The following NRG3 variants were observed in gnomAD, a reference collection of about 807,000 sequenced individuals.
The protein encoded by NRG3 is neuregulin 3.
NRG3 carries 31 observed loss-of-function variants against 66.9 expected under a neutral mutation model. That is an observed-to-expected ratio of 0.46 (90% confidence interval 0.35 to 0.63). The LOEUF (loss-of-function observed/expected upper bound fraction) is 0.63, where lower values mean the gene tolerates loss of function less well. Among genes scored for constraint, NRG3 ranks in the 20% least tolerant of loss-of-function variants. The pLI is 0.00. For synonymous variants in NRG3, 393 were observed against 359.4 expected, an observed-to-expected ratio of 1.09 and a Z score of -1.06; for missense variants, 910 against 878.9, an observed-to-expected ratio of 1.04 and a Z score of -0.45.
chr10:82,783,959 A>C (rs1437627106), intron 3 of NRG3, among the ~76,000 whole-genome samples: 2 of 151,764 alleles, frequency 1.3e-5, no homozygotes, highest in African/African-American at 2.4e-5. Flanking sequence ...TTCAAACTAT[A>C]CTACAAGGCT....
intron 2 of NRG3, among the ~76,000 whole-genome samples, chr10:82,725,738 T>C (rs2050459): frequency 0.68 from 103,857 of 152,022 alleles, 35,971 homozygotes; most frequent in East Asian, 0.84. Context: ...CTAGGACACA[T>C]ACAAGAAATT....
chr10:82,347,953 A>C (rs937013579), intron 1 of NRG3, among the ~76,000 whole-genome samples: 2 of 151,748 alleles, frequency 1.3e-5, no homozygotes, highest in African/African-American at 2.4e-5. Flanking sequence ...TTTTGAGCCT[A>C]TGTGTGTCTC....
chr10:82,512,144 TTTC>T (rs1212451498), intron 2 of NRG3, among the ~76,000 whole-genome samples: 1 of 151,868 alleles, frequency 6.6e-6, no homozygotes, highest in African/African-American at 2.4e-5. Flanking sequence ...TGTTCTTACT[TTTC>T]TACATTTTGA....
Position 82,397,388 on chromosome 10 carries a change from A to G in NRG3, c.953+38520A>G, listed in dbSNP as rs186411340. Among the ~76,000 whole-genome samples, 11 of 152,350 alleles carry G rather than the reference A, an allele frequency of 7.2e-5. No individual in the cohort carries two copies. The East Asian group carries it at 7.7e-4, about 11-fold the overall frequency. On this transcript the variant is annotated intron_variant, in intron 2 of 8. Transcript: ENST00000372141. ...TAGAATACAAAATGTATACATTGAA[A>G]AGCAAACTCATCTTGTAAGGAAAGG...
intron 2 of NRG3, among the ~76,000 whole-genome samples, chr10:82,621,170 A>G (rs1178379673): frequency 6.6e-6 from 1 of 152,052 alleles, no homozygotes; most frequent in Non-Finnish European, 1.5e-5. Context: ...GGTTTGCGGA[A>G]CTTGAAGTAT....
intron 4 of NRG3, among the ~76,000 whole-genome samples, chr10:82,945,513 C>T (rs887132764): frequency 3.4e-4 from 52 of 152,164 alleles, no homozygotes; most frequent in African/African-American, 1.2e-3. Context: ...AGTCCAAAAG[C>T]ATAGCGCCAG....
At chr10:82,872,521 A>G (rs2135995650) in intron 4 of NRG3, among the ~76,000 whole-genome samples, 1 of 152,250 alleles carries the variant, frequency 6.6e-6, no homozygotes, top group South Asian at 2.1e-4. Flanking sequence ...TTATAGCAGG[A>G]AACTCCAAGT....
chr10:82,897,660 A>G (rs1843790785), intron 4 of NRG3, among the ~76,000 whole-genome samples: 1 of 152,144 alleles, frequency 6.6e-6, no homozygotes, highest in Non-Finnish European at 1.5e-5. Context: ...CTGGGATTAT[A>G]GATGTGCGCC....
At chr10:82,572,404 A>T (rs2045790740) in intron 2 of NRG3, among the ~76,000 whole-genome samples, 1 of 151,714 alleles carries the variant, frequency 6.6e-6, no homozygotes, top group Non-Finnish European at 1.5e-5. Flanking sequence ...TACTTAGTAA[A>T]GTCGACTCAA....
rs533298958 is a variant in NRG3 at position 82,487,113 on chromosome 10, C to T, written c.953+128245C>T. On this transcript the variant is annotated intron_variant, in intron 2 of 8. Coordinates refer to ENST00000372141, the MANE Select transcript of NRG3 (RefSeq NM_001010848.4). Reference sequence around the variant, plus strand: ...ATATATATCTATTATATAGATATATCTATTATATAGATATATATATAATTT... The same window carrying T: ...ATATATATCTATTATATAGATATATTTATTATATAGATATATATATAATTT... Among the ~76,000 whole-genome samples the T allele has an allele frequency of 1.2e-3, 180 of 147,672 alleles. 1 individual carries two copies. The highest frequency in any genetic ancestry group is 4.2e-3 in the African/African-American group (169 of 40,588).
At chr10:82,197,568 G>A (rs2074513995) in intron 1 of NRG3, among the ~76,000 whole-genome samples, 1 of 152,076 alleles carries the variant, frequency 6.6e-6, no homozygotes, top group African/African-American at 2.4e-5. Flanking sequence ...TATTTTCATT[G>A]ATAATTTTCC....
At chr10:82,014,122 A>C (rs1273595715) in intron 1 of NRG3, among the ~76,000 whole-genome samples, 2 of 152,208 alleles carry the variant, frequency 1.3e-5, no homozygotes, top group African/African-American at 4.8e-5. Flanking sequence ...GGAATGTGGG[A>C]AAATGATTGT....
At chr10:82,064,125 G>C (rs1287626735) in intron 1 of NRG3, among the ~76,000 whole-genome samples, 4 of 152,124 alleles carry the variant, frequency 2.6e-5, no homozygotes, top group African/African-American at 9.7e-5. Flanking sequence ...GTTCTGGTTT[G>C]GAATTGTATC....
chr10:82,044,680 C>G (rs1471062395), intron 1 of NRG3, among the ~76,000 whole-genome samples: 1 of 151,928 alleles, frequency 6.6e-6, no homozygotes, highest in Non-Finnish European at 1.5e-5. Flanking sequence ...CACCTATTAA[C>G]TCTTCATTTA....
intron 2 of NRG3, among the ~76,000 whole-genome samples, chr10:82,599,391 G>A (rs915018713): frequency 1.3e-5 from 2 of 152,168 alleles, no homozygotes; most frequent in African/African-American, 2.4e-5. Context: ...ATAGCAGCTG[G>A]AGATTTGAAG....
chr10:82,508,662 T>A (rs1590397204), intron 2 of NRG3, among the ~76,000 whole-genome samples: 1 of 152,358 alleles, frequency 6.6e-6, no homozygotes, highest in East Asian at 1.9e-4. Flanking sequence ...TTAAATTTTC[T>A]GCTGACTTGA....
intron 1 of NRG3, among the ~76,000 whole-genome samples, chr10:82,118,304 T>C (rs1355346199): frequency 1.3e-5 from 2 of 152,040 alleles, no homozygotes; most frequent in Non-Finnish European, 2.9e-5. Context: ...GGCCCTCTTT[T>C]TTCCTTTCTG....
At chr10:81,929,977 A>G (rs760300750) in intron 1 of NRG3, among the ~76,000 whole-genome samples, 3 of 152,240 alleles carry the variant, frequency 2.0e-5, no homozygotes, top group African/African-American at 7.2e-5. Context: ...GCCCAACTAC[A>G]GGGGAAAGAG....
At chr10:82,372,869 C>T (rs76441154) in intron 2 of NRG3, among the ~76,000 whole-genome samples, 1,685 of 152,288 alleles carry the variant, frequency 0.011, 44 homozygotes, top group East Asian at 0.11. Context: ...GCTGGGATTA[C>T]GGGCATGCGC....
Sources: allele counts gnomAD v4.1 joint callset (sites outside exome capture counted in the v4.1 genomes callset), GRCh38; gene constraint gnomAD v4.1.1; transcripts MANE v1.5; gene names NCBI Gene and HGNC (gene_info 2026-07-23, HGNC 2026-07-21).